KIAA1217: variants seen among roughly 807,000 people sequenced by gnomAD.
KIAA1217 encodes the protein sickle tail protein homolog.
KIAA1217 carries 88 observed loss-of-function variants against 163.9 expected under a neutral mutation model. The ratio of observed to expected loss-of-function variants is 0.54; its 90% CI spans 0.45 to 0.64. The LOEUF (loss-of-function observed/expected upper bound fraction) is 0.64. Ranked by LOEUF, KIAA1217 falls within the 30% of genes least tolerant of loss-of-function variation. KIAA1217 has a pLI of 0.00. For missense variants in KIAA1217, 2,372 were observed against 2,475.0 expected (o/e 0.96, Z 0.88); for synonymous variants, 903 against 923.1 (o/e 0.98, Z 0.39).
intron 3 of KIAA1217, among the ~76,000 whole-genome samples, chr10:24,391,566 A>C (rs2130829213): frequency 6.6e-6 from 1 of 152,094 alleles, no homozygotes; most frequent in Admixed American, 6.5e-5. Context: ...GCTGGTCTCG[A>C]ACTCCTGACC....
intron 1 of KIAA1217, among the ~76,000 whole-genome samples, chr10:23,989,028 T>C (rs1206953300): frequency 6.6e-6 from 1 of 152,228 alleles, no homozygotes; most frequent in Admixed American, 6.5e-5. Context: ...TTTTCATTAA[T>C]TTTTATTTTA....
At chr10:24,131,815 A>G (rs921723935) in intron 2 of KIAA1217, among the ~76,000 whole-genome samples, 3 of 152,198 alleles carry the variant, frequency 2.0e-5, no homozygotes, top group Admixed American at 6.5e-5. Flanking sequence ...AACTTTTGGC[A>G]TGTTCTCTGG....
chr10:23,840,985 G>A (rs1484474468), intron 1 of KIAA1217, among the ~76,000 whole-genome samples: 2 of 152,152 alleles, frequency 1.3e-5, no homozygotes, highest in African/African-American at 4.8e-5. Context: ...CGGCCCTTGG[G>A]CAATTTTGCT....
At chr10:24,011,781 G>C (rs148278983) in intron 2 of KIAA1217, among the ~76,000 whole-genome samples, 9 of 152,136 alleles carry the variant, frequency 5.9e-5, no homozygotes, top group Admixed American at 5.2e-4. Flanking sequence ...GGTTGTTCCC[G>C]TGGGTTGACA....
chr10:23,871,955 C>T (rs1030254687), intron 1 of KIAA1217, among the ~76,000 whole-genome samples: 9 of 152,082 alleles, frequency 5.9e-5, no homozygotes, highest in African/African-American at 2.2e-4. Flanking sequence ...TGTCTCTAAG[C>T]ACTTGCAAAT....
rs566565043 is a variant in KIAA1217 at position 24,197,039 on chromosome 10, C to A, written c.-170-22587C>A. Among the ~76,000 whole-genome samples the A allele has an allele frequency of 3.3e-5, 5 of 152,254 alleles. No individual in the cohort carries two copies. In the East Asian group the frequency reaches 9.7e-4, roughly 29 times the overall value. ...TCCTTCACTACGATATGGAGTTAAA[C>A]GAAAGAGTTTGCACAGAGTTCTAGA... On this transcript the variant is annotated intron_variant, in intron 2 of 18. Coordinates refer to the KIAA1217 transcript ENST00000376462.
intron 1 of KIAA1217, among the ~76,000 whole-genome samples, chr10:23,841,827 C>T (rs1247950168): frequency 7.5e-6 from 1 of 133,492 alleles, no homozygotes; most frequent in East Asian, 2.2e-4. Flanking sequence ...ACCATTGGGA[C>T]TTTATTTTAT....
intron 2 of KIAA1217, among the ~76,000 whole-genome samples, chr10:24,111,516 G>A (rs941770449): frequency 1.3e-5 from 2 of 152,132 alleles, no homozygotes; most frequent in Non-Finnish European, 2.9e-5. Flanking sequence ...AGATCTCATT[G>A]AACTAGAAAA....
At chr10:24,187,112 A>G (rs1040102169) in intron 2 of KIAA1217, among the ~76,000 whole-genome samples, 2 of 144,036 alleles carry the variant, frequency 1.4e-5, no homozygotes, top group African/African-American at 5.2e-5. Context: ...TGCCAGTCTG[A>G]CCATTGTCCA....
At chr10:24,047,876 C>T (rs955706772) in intron 2 of KIAA1217, among the ~76,000 whole-genome samples, 1 of 152,180 alleles carries the variant, frequency 6.6e-6, no homozygotes, top group African/African-American at 2.4e-5. Flanking sequence ...TGAAGGCAGT[C>T]ATGGCTGTGG....
chr10:24,061,382 T>A (rs1589345187), intron 2 of KIAA1217, among the ~76,000 whole-genome samples: 1 of 152,216 alleles, frequency 6.6e-6, no homozygotes, highest in Non-Finnish European at 1.5e-5. Context: ...AATTTAATAG[T>A]GTTGTATTTT....
chr10:24,365,548 C>T (rs1355553474), intron 2 of KIAA1217, among the ~76,000 whole-genome samples: 1 of 152,152 alleles, frequency 6.6e-6, no homozygotes, highest in Non-Finnish European at 1.5e-5. Flanking sequence ...CTGTAAACTT[C>T]AGAGCAGAGA....
chr10:24,327,984 G>A (rs950668608), intron 2 of KIAA1217, among the ~76,000 whole-genome samples: 1 of 152,112 alleles, frequency 6.6e-6, no homozygotes, highest in Non-Finnish European at 1.5e-5. Flanking sequence ...TATCCCAGAG[G>A]CTAAATATTC....
At chr10:24,187,693 C>G (rs908319193) in intron 2 of KIAA1217, among the ~76,000 whole-genome samples, 1 of 151,808 alleles carries the variant, frequency 6.6e-6, no homozygotes, top group African/African-American at 2.4e-5. Context: ...GAGTTCGAGA[C>G]CAGCCTGACC....
intron 6 of KIAA1217, among the ~76,000 whole-genome samples, chr10:24,479,330 T>C (rs1004142372): frequency 2.0e-5 from 3 of 151,796 alleles, no homozygotes; most frequent in Non-Finnish European, 4.4e-5. Context: ...TTTATGTCAT[T>C]GAAAAATGTT....
intron 5 of KIAA1217, among the ~76,000 whole-genome samples, chr10:24,471,358 G>A (rs2132984649): frequency 6.6e-6 from 1 of 152,202 alleles, no homozygotes; most frequent in South Asian, 2.1e-4. Context: ...AGAACTTGAA[G>A]AATGGATGGA....
chr10:23,971,023 C>A (rs1391679249), intron 1 of KIAA1217, among the ~76,000 whole-genome samples: 2 of 152,166 alleles, frequency 1.3e-5, no homozygotes, highest in African/African-American at 4.8e-5. Context: ...GCCAAGCGGG[C>A]GCTTGAGAGA....
intron 1 of KIAA1217, among the ~76,000 whole-genome samples, chr10:24,209,754 G>A (rs575632639): frequency 4.3e-4 from 65 of 152,312 alleles, no homozygotes; most frequent in Non-Finnish European, 8.4e-4. Flanking sequence ...TTATTTTACA[G>A]ATCCGAGCAG....
intron 2 of KIAA1217, among the ~76,000 whole-genome samples, chr10:24,321,390 T>G (rs2044134981): frequency 6.6e-6 from 1 of 151,842 alleles, no homozygotes; most frequent in African/African-American, 2.4e-5. Context: ...AATACAAAAC[T>G]TAACTGGGCG....
Sources: allele counts gnomAD v4.1 joint callset (sites outside exome capture counted in the v4.1 genomes callset), GRCh38; gene constraint gnomAD v4.1.1; transcripts MANE v1.5; gene names NCBI Gene and HGNC (gene_info 2026-07-23, HGNC 2026-07-21).